Variants in COL5A2 observed in about 807,000 individuals in gnomAD.
COL5A2 encodes collagen type V alpha 2 chain, also known as collagen alpha-2(V) chain.
A neutral mutation model predicts 208.2 loss-of-function variants in COL5A2; 23 were observed. The observed-to-expected ratio is 0.11, with a 90% CI of 0.08 to 0.16. The LOEUF (loss-of-function observed/expected upper bound fraction) is 0.16, where lower values mean the gene tolerates loss of function less well. Among genes scored for constraint, COL5A2 ranks in the 10% least tolerant of loss-of-function variants. COL5A2 has a pLI of 1.00. For synonymous variants in COL5A2, 625 were observed against 628.5 expected, an observed-to-expected ratio of 0.99 and a Z score of 0.08; for missense variants, 1,590 against 1,956.4, an observed-to-expected ratio of 0.81 and a Z score of 3.53.
intron 7 of COL5A2, among the ~76,000 whole-genome samples, chr2:189,089,351 AAACCCTAGT>A (rs1159559657): frequency 6.6e-6 from 1 of 152,206 alleles, no homozygotes; most frequent in Non-Finnish European, 1.5e-5. Context: ...CACAATTAAA[AAACCCTAGT>A]AATCAAACTG....
At chr2:189,048,992 C>A (rs550125248) in intron 44 of COL5A2, among the ~76,000 whole-genome samples, 1 of 152,050 alleles carries the variant, frequency 6.6e-6, no homozygotes, top group Admixed American at 6.6e-5. Flanking sequence ...AATCCTATCA[C>A]CAAAAAACTT....
At chr2:189,245,482 AT>A in the COL5A2 span, among the ~76,000 whole-genome samples, 17,559 of 123,954 alleles carry the variant, frequency 0.14, 1,647 homozygotes, top group African/African-American at 0.31. Flanking sequence ...TATACTCAAA[AT>A]TTTTTTTTTT....
At chr2:189,385,418 G>A in the COL5A2 span, among the ~76,000 whole-genome samples, 13 of 151,996 alleles carry the variant, frequency 8.6e-5, no homozygotes, top group African/African-American at 2.7e-4. Context: ...CTAACAAATG[G>A]GGTGAAAGAT....
At chr2:189,187,647 T>TA (rs973181434) in intron 1 of COL5A2, among the ~76,000 whole-genome samples, 1 of 152,168 alleles carries the variant, frequency 6.6e-6, no homozygotes, top group Non-Finnish European at 1.5e-5. Flanking sequence ...GCGTTTCTTC[T>TA]AAAAAACATA....
At chr2:189,293,117 G>A in the COL5A2 span, among the ~76,000 whole-genome samples, 32 of 151,644 alleles carry the variant, frequency 2.1e-4, no homozygotes, top group African/African-American at 7.7e-4. Flanking sequence ...GGTGGGGGGA[G>A]TGGGGAGGGA....
chr2:189,149,083 T>C (rs1236828624), intron 1 of COL5A2, among the ~76,000 whole-genome samples: 1 of 152,130 alleles, frequency 6.6e-6, no homozygotes, highest in Non-Finnish European at 1.5e-5. Context: ...GAGGTTGCAG[T>C]GAGCCGAGAT....
At chr2:189,209,634 T>C (rs1353709813) in intron 1 of COL5A2, among the ~76,000 whole-genome samples, 2 of 152,204 alleles carry the variant, frequency 1.3e-5, no homozygotes, top group African/African-American at 4.8e-5. Flanking sequence ...GGTTGAATTC[T>C]TGAGGTACTT....
chr2:189,341,070 G>T, the COL5A2 span, among the ~76,000 whole-genome samples: 1 of 152,112 alleles, frequency 6.6e-6, no homozygotes, highest in Admixed American at 6.6e-5. Context: ...CAATATAGAT[G>T]ATCAAGTATA....
chr2:189,345,268 T>G, the COL5A2 span, among the ~76,000 whole-genome samples: 1 of 152,190 alleles, frequency 6.6e-6, no homozygotes, highest in Non-Finnish European at 1.5e-5. Context: ...ATTGGGCCAG[T>G]TTCACCTTGG....
the COL5A2 span, among the ~76,000 whole-genome samples, chr2:189,238,046 G>T: frequency 3.3e-5 from 5 of 151,614 alleles, 1 homozygote; most frequent in Admixed American, 1.3e-4. Flanking sequence ...ATATATTTGC[G>T]AGCTATTATA....
intron 34 of COL5A2, 84 bp downstream of exon 34, chr2:189,057,236 A>T: frequency 9.2e-7 from 1 of 1,092,170 alleles, no homozygotes; most frequent in Non-Finnish European, 1.3e-6. Flanking sequence ...GTAGAAATAA[A>T]AGCCTGCTCA....
chr2:189,300,640 C>T, the COL5A2 span, among the ~76,000 whole-genome samples: 1 of 152,174 alleles, frequency 6.6e-6, no homozygotes, highest in African/African-American at 2.4e-5. Context: ...GGCGGGACAG[C>T]CCTGAAGACT....
chr2:189,385,295 A>G, the COL5A2 span, among the ~76,000 whole-genome samples: 1 of 152,170 alleles, frequency 6.6e-6, no homozygotes, highest in African/African-American at 2.4e-5. Flanking sequence ...ATGCCAAATC[A>G]ATGTACAAAA....
chr2:189,288,404 C>T, the COL5A2 span, among the ~76,000 whole-genome samples: 4 of 152,108 alleles, frequency 2.6e-5, no homozygotes, highest in East Asian at 5.8e-4. Context: ...AAAAGCACTA[C>T]AAGCAGTATC....
At chr2:189,307,673 C>T in the COL5A2 span, among the ~76,000 whole-genome samples, 129,545 of 152,154 alleles carry the variant, frequency 0.85, 56,370 homozygotes, top group Non-Finnish European at 0.95. Context: ...CCTCTAGATG[C>T]TTACAGTTAA....
At chr2:189,358,840 G>C in the COL5A2 span, among the ~76,000 whole-genome samples, 1 of 148,758 alleles carries the variant, frequency 6.7e-6, no homozygotes, top group Non-Finnish European at 1.5e-5. Context: ...TATTATAAAA[G>C]TGATTGCCTT....
chr2:189,314,565 A>G, the COL5A2 span, among the ~76,000 whole-genome samples: 1 of 152,212 alleles, frequency 6.6e-6, no homozygotes, highest in Non-Finnish European at 1.5e-5. Flanking sequence ...AGCTAACAGA[A>G]GACAAGAAAT....
the COL5A2 span, among the ~76,000 whole-genome samples, chr2:189,368,266 T>C: frequency 3.9e-5 from 6 of 152,208 alleles, no homozygotes; most frequent in African/African-American, 7.2e-5. Context: ...CTTAAATTCA[T>C]AGTGTTTCAT....
At chr2:189,241,482 T>C in the COL5A2 span, among the ~76,000 whole-genome samples, 2 of 152,310 alleles carry the variant, frequency 1.3e-5, no homozygotes, top group South Asian at 2.1e-4. Flanking sequence ...GATTATCCTA[T>C]TGTTCAACAA....
Sources: gnomAD v4.1 joint callset for allele counts (sites outside exome capture counted in the v4.1 genomes callset) on GRCh38, gnomAD v4.1.1 for gene constraint, MANE v1.5 for transcripts, NCBI Gene and HGNC (gene_info 2026-07-23, HGNC 2026-07-21) for gene names.